C13orf42: variants seen among roughly 807,000 people sequenced by gnomAD.
C13orf42 encodes the protein uncharacterized protein C13orf42.
chr13:51,097,013 A>C (rs141266638), intron 1 of C13orf42, among the ~76,000 whole-genome samples: 83 of 152,292 alleles, frequency 5.5e-4, no homozygotes, highest in Non-Finnish European at 8.2e-4. Flanking sequence ...TTTTAAAAAA[A>C]CAAAAAGGAG....
At chr13:51,105,748 A>G (rs889562742) in intron 1 of C13orf42, among the ~76,000 whole-genome samples, 3 of 152,116 alleles carry the variant, frequency 2.0e-5, no homozygotes, top group African/African-American at 7.2e-5. Context: ...CTGATTTTCC[A>G]ATTTCTGGTG....
intron 1 of C13orf42, among the ~76,000 whole-genome samples, chr13:51,125,462 C>T (rs1460285698): frequency 6.6e-6 from 1 of 152,306 alleles, no homozygotes; most frequent in South Asian, 2.1e-4. Context: ...CTTTTAAACT[C>T]CCTTTGAGTG....
chr13:51,097,896 C>T (rs184715554), intron 1 of C13orf42, among the ~76,000 whole-genome samples: 1 of 152,170 alleles, frequency 6.6e-6, no homozygotes, highest in Non-Finnish European at 1.5e-5. Context: ...GGAGACAAAG[C>T]TTTCTCTAAG....
upstream of C13orf42, among the ~76,000 whole-genome samples, chr13:51,115,207 T>G (rs963169550): frequency 5.3e-5 from 8 of 152,190 alleles, no homozygotes; most frequent in African/African-American, 1.9e-4. Flanking sequence ...GGGCCTTTCA[T>G]CCTGCAATAT....
chr13:51,144,752 A>C (rs1249543990), intron 1 of C13orf42, among the ~76,000 whole-genome samples: 2 of 152,172 alleles, frequency 1.3e-5, no homozygotes, highest in African/African-American at 4.8e-5. Flanking sequence ...CTCAAAAGAA[A>C]AGGAAATTTC....
At chr13:51,129,065 A>C (rs1307990935) in intron 1 of C13orf42, among the ~76,000 whole-genome samples, 8 of 152,208 alleles carry the variant, frequency 5.3e-5, no homozygotes, top group Non-Finnish European at 4.4e-5. Context: ...AATCATGCCT[A>C]GAACTACTCT....
At chr13:51,156,712 T>A (rs190518079) in intron 1 of C13orf42, among the ~76,000 whole-genome samples, 24 of 152,328 alleles carry the variant, frequency 1.6e-4, no homozygotes, top group Admixed American at 4.6e-4. Flanking sequence ...TAGAACTGAA[T>A]AGGTACTTGA....
In C13orf42 at chr13:51,170,052, T is replaced by C. The variant is rs369008895; in HGVS notation, n.136+2201A>G. Among the ~76,000 whole-genome samples, 651 of 152,268 alleles carry C rather than the reference T, an allele frequency of 4.3e-3. 5 individuals are homozygous for C. The highest frequency in any genetic ancestry group is 0.014 in the African/African-American group (602 of 41,526). On this transcript the variant is annotated intron_variant and non_coding_transcript_variant, in intron 1 of 4. Transcript: ENST00000433280. ...CCTTGCCTTAACTGATGACACTACC[T>C]TGTGAAAGTCCTTTTCCTGGCTCAT...
chr13:51,102,207 A>G (rs1337522169), intron 1 of C13orf42, among the ~76,000 whole-genome samples: 1 of 152,232 alleles, frequency 6.6e-6, no homozygotes, highest in African/African-American at 2.4e-5. Context: ...ATGCTCACAG[A>G]AAACCTGCAT....
intron 1 of C13orf42, among the ~76,000 whole-genome samples, chr13:51,162,525 T>C (rs1953874297): frequency 6.6e-6 from 1 of 152,234 alleles, no homozygotes; most frequent in Non-Finnish European, 1.5e-5. Context: ...GTGAGTGTTT[T>C]TAGTTTGTCT....
At chr13:51,107,859 G>A (rs1378218007) in intron 1 of C13orf42, among the ~76,000 whole-genome samples, 2 of 152,194 alleles carry the variant, frequency 1.3e-5, no homozygotes, top group East Asian at 1.9e-4. Context: ...CTAAAATAGA[G>A]GTGTGTTCAG....
At chr13:51,091,302 GCTGA>G (rs1299551460) in intron 1 of C13orf42, among the ~76,000 whole-genome samples, 3 of 152,202 alleles carry the variant, frequency 2.0e-5, no homozygotes, top group African/African-American at 7.2e-5. Flanking sequence ...GTTATTTGTG[GCTGA>G]CCCATATGTG....
intron 1 of C13orf42, among the ~76,000 whole-genome samples, chr13:51,098,265 G>A (rs1037901597): frequency 5.3e-5 from 8 of 151,930 alleles, no homozygotes; most frequent in African/African-American, 1.2e-4. Flanking sequence ...TTCTGCAAGA[G>A]ATCTAAATTC....
At chr13:51,122,736 T>C (rs1177239943) in intron 1 of C13orf42, among the ~76,000 whole-genome samples, 1 of 152,210 alleles carries the variant, frequency 6.6e-6, no homozygotes, top group Non-Finnish European at 1.5e-5. Context: ...TGAAATAACC[T>C]GTGACCAGTC....
At position 51,168,555 on chromosome 13, in the gene C13orf42, G is replaced by A. The variant is rs147271664; in HGVS notation, n.136+3698C>T. ...GCCCACTGGCATCTTAGGCAAAAAT[G>A]ATGAGTTATTTCGGACTATGTAGAT... On this transcript the variant is annotated intron_variant and non_coding_transcript_variant, in intron 1 of 4. Coordinates refer to the C13orf42 transcript ENST00000433280. 1.5e-4 allele frequency among the ~76,000 whole-genome samples: 23 copies of A among 152,336 alleles called. 1 individual carries two copies. In the East Asian group the frequency reaches 4.4e-3, roughly 29 times the overall value.
At chr13:51,096,911 TCTC>T (rs1953240295) in intron 1 of C13orf42, among the ~76,000 whole-genome samples, 1 of 152,236 alleles carries the variant, frequency 6.6e-6, no homozygotes, top group African/African-American at 2.4e-5. Context: ...GTCAGTCCCT[TCTC>T]CTCATTTCCT....
rs112354147 is a variant in C13orf42 at position 51,143,074 on chromosome 13, A to G, written n.136+29179T>C. 2.8e-3 allele frequency among the ~76,000 whole-genome samples: 431 copies of G among 152,308 alleles called. 4 individuals are homozygous for G. Among genetic ancestry groups the G allele is most frequent in the African/African-American group, 9.8e-3 (409 of 41,568 alleles). On this transcript the variant is annotated intron_variant and non_coding_transcript_variant, in intron 1 of 4. Coordinates refer to the C13orf42 transcript ENST00000433280. Reference sequence around the variant, plus strand: ...TCATTACATCCATGTATCTTCCTGTATATGCTTTTAAAGTCCTTATAACAT... The same window carrying G: ...TCATTACATCCATGTATCTTCCTGTGTATGCTTTTAAAGTCCTTATAACAT...
At position 51,110,913 on chromosome 13, in the gene C13orf42, A is replaced by G. The variant is rs1366053214; in HGVS notation, c.297T>C (p.Tyr99=). 5.0e-6 allele frequency: 2 copies of G among 398,622 alleles called. No individual in the cohort carries two copies. Among genetic ancestry groups the G allele is most frequent in the Non-Finnish European group, 8.8e-6 (2 of 226,082 alleles). The allele number at this position is 398,622 out of a possible 1,614,324, so 24.7% of individuals were successfully genotyped here. Residue 99 remains tyrosine, a synonymous_variant, in exon 1 of 4, where the codon TAT becomes TAC. Coordinates refer to ENST00000563710, the MANE Select transcript of C13orf42 (RefSeq NM_001351589.3). ...GCTTCAGATCACTGAAGCTGCTGAGATATTTTTTGCGCAAGGCCAGCAGCT... is the reference window on the plus strand; with the variant it reads ...GCTTCAGATCACTGAAGCTGCTGAGGTATTTTTTGCGCAAGGCCAGCAGCT... ...LQELLALRKK[Y]LSSFSDLKPH... is the part of the protein sequence containing the mutation.
intron 1 of C13orf42, among the ~76,000 whole-genome samples, chr13:51,100,714 G>A (rs1953281244): frequency 6.6e-6 from 1 of 152,124 alleles, no homozygotes; most frequent in Admixed American, 6.5e-5. Flanking sequence ...GAAACCCACT[G>A]TCGATGAAAA....
Sources: allele counts gnomAD v4.1 joint callset (sites outside exome capture counted in the v4.1 genomes callset), GRCh38; gene constraint gnomAD v4.1.1; transcripts MANE v1.5; gene names NCBI Gene and HGNC (gene_info 2026-07-23, HGNC 2026-07-21).